Variants in NXNL2 observed in about 807,000 individuals in gnomAD.
NXNL2 encodes nucleoredoxin-like protein 2.
A neutral mutation model predicts 11.1 loss-of-function variants in NXNL2; 7 were observed. That is an observed-to-expected ratio of 0.63 (90% CI 0.36 to 1.18). The LOEUF (loss-of-function observed/expected upper bound fraction) is 1.18, where lower values mean the gene tolerates loss of function less well. Ranked by LOEUF, NXNL2 falls within the 50% of genes most tolerant of loss-of-function variation. The pLI, the probability that NXNL2 is intolerant of heterozygous loss-of-function variation, is 0.02. For synonymous variants in NXNL2, 109 were observed against 101.8 expected (o/e 1.07, Z -0.42); for missense variants, 233 against 217.7 (o/e 1.07, Z -0.44).
At chr9:88,563,407 T>C (rs1299504267) in intron 1 of NXNL2, among the ~76,000 whole-genome samples, 2 of 152,226 alleles carry the variant, frequency 1.3e-5, no homozygotes, top group Non-Finnish European at 2.9e-5. Flanking sequence ...TGTGGAGTCA[T>C]CTCCAGTGCC....
At chr9:88,549,390 G>T (rs2118449772), downstream of NXNL2, among the ~76,000 whole-genome samples, 1 of 152,164 alleles carries the variant, frequency 6.6e-6, no homozygotes, top group Non-Finnish European at 1.5e-5. Context: ...TTGTTTTGTT[G>T]GAATACATCC....
At chr9:88,569,639 TA>T (rs1239001516) in intron 1 of NXNL2, among the ~76,000 whole-genome samples, 1 of 152,234 alleles carries the variant, frequency 6.6e-6, no homozygotes, top group Middle Eastern at 3.2e-3. Context: ...CACTTATTGT[TA>T]TTAAGTGTTT....
At chr9:88,576,472 A>C (rs1251249998), downstream of NXNL2, among the ~76,000 whole-genome samples, 1 of 152,190 alleles carries the variant, frequency 6.6e-6, no homozygotes, top group Non-Finnish European at 1.5e-5. Flanking sequence ...CAGGGTGAGC[A>C]AAGACCTTGT....
At chr9:88,566,996 CTAT>C (rs1830183326) in intron 1 of NXNL2, among the ~76,000 whole-genome samples, 2 of 108,482 alleles carry the variant, frequency 1.8e-5, no homozygotes, top group African/African-American at 8.4e-5. Flanking sequence ...ATCTATCTAT[CTAT>C]CTATCTATCT....
chr9:88,567,574 G>C (rs1830194788), intron 1 of NXNL2, among the ~76,000 whole-genome samples: 1 of 152,228 alleles, frequency 6.6e-6, no homozygotes, highest in South Asian at 2.1e-4. Flanking sequence ...TGCCAACCAG[G>C]ACTTTTGTTG....
chr9:88,581,106 G>A (rs1156496906), intron 1 of NXNL2, among the ~76,000 whole-genome samples: 1 of 152,186 alleles, frequency 6.6e-6, no homozygotes, highest in Non-Finnish European at 1.5e-5. Context: ...CGGGGCAGTT[G>A]CTATTTTTCC....
At position 88,535,276 on chromosome 9, in the gene NXNL2, C is replaced by A; in HGVS notation, c.-159C>A. 1.5e-6 allele frequency: 1 copy of A among 649,008 alleles called. No individual in the cohort carries two copies. The highest frequency in any genetic ancestry group is 2.6e-6 in the Non-Finnish European group (1 of 391,300). 40.2% of individuals were successfully genotyped at this position (649,008 alleles called of 1,614,324 possible). On this transcript the variant is annotated 5_prime_UTR_variant, in exon 1 of 2. Coordinates refer to ENST00000375854, the MANE Select transcript of NXNL2 (RefSeq NM_001161625.2). ...ACAATTGCTCCAGCCACAGGCGAGG[C>A]CTGGCCAAGGTGTGGGCGCATCTGG...
chr9:88,541,910 G>A (rs537651224), intron 1 of NXNL2, among the ~76,000 whole-genome samples: 1 of 152,194 alleles, frequency 6.6e-6, no homozygotes, highest in African/African-American at 2.4e-5. Flanking sequence ...ATAACATACA[G>A]TTAGTTTTAA....
rs1242865600 is a variant in NXNL2, at chr9:88,544,439, T to C, written c.363T>C (p.Asn121=). The change falls in exon 2 of 2, where the codon AAT becomes AAC. Residue 121 remains asparagine, a synonymous_variant. Transcript: ENST00000375854. ...AIPKLVIVKQ[N]GEVITNKGRK... is the part of the protein sequence containing the mutation. The stretch of plus-strand genomic sequence containing the variant: ...CCAAGCTTGTGATTGTGAAACAAAA[T>C]GGGGAGGTCATCACCAACAAAGGGC... 1.3e-6 allele frequency: 2 copies of C among 1,551,696 alleles called. No individual in the cohort carries two copies.
chr9:88,540,363 A>T (rs1247329485), intron 1 of NXNL2, among the ~76,000 whole-genome samples: 4 of 150,636 alleles, frequency 2.7e-5, no homozygotes, highest in African/African-American at 9.8e-5. Context: ...GTTGTGCAGG[A>T]TTCTTAAGAT....
intron 1 of NXNL2, among the ~76,000 whole-genome samples, chr9:88,539,003 C>T (rs531773708): frequency 6.6e-6 from 1 of 152,180 alleles, no homozygotes; most frequent in Non-Finnish European, 1.5e-5. Flanking sequence ...CAGCAAACCA[C>T]AGGCCTGTAC....
At chr9:88,559,611 G>A (rs1830061187) in intron 1 of NXNL2, among the ~76,000 whole-genome samples, 1 of 152,332 alleles carries the variant, frequency 6.6e-6, no homozygotes, top group East Asian at 1.9e-4. Flanking sequence ...AGCTACTGCA[G>A]CAGGTCCCTG....
At chr9:88,577,476 C>T (rs1830361785), downstream of NXNL2, among the ~76,000 whole-genome samples, 2 of 152,022 alleles carry the variant, frequency 1.3e-5, no homozygotes, top group Admixed American at 1.3e-4. Context: ...AGGCTGGGGG[C>T]TCAAATGGCA....
At chr9:88,554,688 A>T (rs1272543938) in intron 1 of NXNL2, among the ~76,000 whole-genome samples, 1 of 152,238 alleles carries the variant, frequency 6.6e-6, no homozygotes, top group Non-Finnish European at 1.5e-5. Context: ...CCTGGATATA[A>T]CAACATTGCA....
At chr9:88,574,839 G>C (rs540358805) in intron 2 of NXNL2, among the ~76,000 whole-genome samples, 1 of 152,168 alleles carries the variant, frequency 6.6e-6, no homozygotes, top group South Asian at 2.1e-4. Context: ...GGCCAGGGGC[G>C]GGGGATCCTG....
chr9:88,554,167 G>A (rs1166151316), intron 1 of NXNL2, among the ~76,000 whole-genome samples: 1 of 152,066 alleles, frequency 6.6e-6, no homozygotes, highest in African/African-American at 2.4e-5. Flanking sequence ...AACCTGTAAG[G>A]ACCACTGCCC....
intron 1 of NXNL2, among the ~76,000 whole-genome samples, chr9:88,542,662 A>G (rs540143754): frequency 6.6e-6 from 1 of 152,180 alleles, no homozygotes; most frequent in Non-Finnish European, 1.5e-5. Flanking sequence ...GTTATTGACC[A>G]CTTGAAATTC....
At chr9:88,551,633 A>T (rs1451663443) in intron 1 of NXNL2, among the ~76,000 whole-genome samples, 1 of 152,100 alleles carries the variant, frequency 6.6e-6, no homozygotes, top group African/African-American at 2.4e-5. Context: ...TGTTCACCCC[A>T]AGTGGCTTCC....
chr9:88,547,704 C>G (rs534938645), downstream of NXNL2, among the ~76,000 whole-genome samples: 1 of 152,294 alleles, frequency 6.6e-6, no homozygotes, highest in South Asian at 2.1e-4. Flanking sequence ...AATTACCCTT[C>G]TCTCCTGCAT....
Sources: gnomAD v4.1 joint callset for allele counts (sites outside exome capture counted in the v4.1 genomes callset) on GRCh38, gnomAD v4.1.1 for gene constraint, MANE v1.5 for transcripts, NCBI Gene and HGNC (gene_info 2026-07-23, HGNC 2026-07-21) for gene names.